The following NBEA variants were observed in gnomAD, a reference collection of about 807,000 sequenced individuals.
NBEA encodes the protein lysosomal-trafficking regulator 2.
NBEA carries 44 observed loss-of-function variants against 343.4 expected under a neutral mutation model. The observed-to-expected ratio is 0.13, with a 90% CI of 0.10 to 0.16. The LOEUF (loss-of-function observed/expected upper bound fraction) is 0.16, where lower values mean the gene tolerates loss of function less well. Ranked by LOEUF, NBEA falls within the 10% of genes least tolerant of loss-of-function variation. NBEA has a pLI of 1.00. For synonymous variants in NBEA, 1,175 were observed against 1,238.7 expected, an observed-to-expected ratio of 0.95 and a Z score of 1.08; for missense variants, 2,555 against 3,631.3, an observed-to-expected ratio of 0.70 and a Z score of 7.62.
intron 45 of NBEA, among the ~76,000 whole-genome samples, chr13:35,576,683 T>G (rs1002449779): frequency 6.6e-6 from 1 of 152,132 alleles, no homozygotes; most frequent in Non-Finnish European, 1.5e-5. Context: ...GTCATATATA[T>G]TCTTCAAAAA....
chr13:35,644,567 G>A (rs981585472), intron 49 of NBEA, among the ~76,000 whole-genome samples: 1 of 152,170 alleles, frequency 6.6e-6, no homozygotes, highest in East Asian at 1.9e-4. Flanking sequence ...CCGGCTCCTC[G>A]CCCCCACTTG....
chr13:35,307,600 G>C (rs1048092325), intron 35 of NBEA, among the ~76,000 whole-genome samples: 1 of 152,038 alleles, frequency 6.6e-6, no homozygotes, highest in African/African-American at 2.4e-5. Flanking sequence ...TCTTATTCAT[G>C]TTAGAAGTTT....
chr13:35,307,655 T>G (rs191209288), intron 35 of NBEA, among the ~76,000 whole-genome samples: 3 of 151,952 alleles, frequency 2.0e-5, no homozygotes, highest in Non-Finnish European at 4.4e-5. Context: ...TCACAGAAAA[T>G]CAGGTGTAAG....
chr13:35,604,155 T>A (rs2082182297), intron 47 of NBEA, among the ~76,000 whole-genome samples: 1 of 152,206 alleles, frequency 6.6e-6, no homozygotes. Context: ...GATAGAATAG[T>A]CACTGCTGAA....
At chr13:35,655,883 G>C in intron 55 of NBEA, 134 bp downstream of exon 55, 1 of 696,360 alleles carries the variant, frequency 1.4e-6, no homozygotes. Context: ...GCCAAAATCT[G>C]TACTGGAACG....
intron 10 of NBEA, among the ~76,000 whole-genome samples, chr13:35,094,172 A>G (rs979034040): frequency 1.3e-5 from 2 of 152,064 alleles, no homozygotes; most frequent in Admixed American, 6.6e-5. Context: ...GATATAAATG[A>G]GTAATAACCT....
chr13:35,221,167 A>G (rs967282523), intron 33 of NBEA, among the ~76,000 whole-genome samples: 2 of 152,072 alleles, frequency 1.3e-5, no homozygotes, highest in African/African-American at 4.8e-5. Flanking sequence ...TTCATAGTGA[A>G]ACCCCATCTC....
intron 44 of NBEA, among the ~76,000 whole-genome samples, chr13:35,559,971 TAAG>T (rs1466747856): frequency 6.6e-6 from 1 of 150,706 alleles, no homozygotes; most frequent in Non-Finnish European, 1.5e-5. Flanking sequence ...TTGTTAATAA[TAAG>T]AACTCAGAAA....
intron 21 of NBEA, among the ~76,000 whole-genome samples, chr13:35,158,157 C>T (rs968090145): frequency 3.3e-5 from 5 of 151,974 alleles, no homozygotes; most frequent in African/African-American, 1.2e-4. Context: ...TGTTACCAAC[C>T]CCCACTTTTG....
intron 45 of NBEA, among the ~76,000 whole-genome samples, chr13:35,579,015 G>A (rs547763077): frequency 6.6e-6 from 1 of 151,546 alleles, no homozygotes; most frequent in East Asian, 1.9e-4. Context: ...ATGGTGTCAT[G>A]TTGGCATGCA....
intron 55 of NBEA, among the ~76,000 whole-genome samples, chr13:35,659,503 A>G (rs2084969273): frequency 6.6e-6 from 1 of 152,208 alleles, no homozygotes; most frequent in African/African-American, 2.4e-5. Flanking sequence ...CAGGTATAGA[A>G]AGTATGTATG....
At chr13:35,513,130 T>G (rs895995886) in intron 41 of NBEA, among the ~76,000 whole-genome samples, 2 of 151,506 alleles carry the variant, frequency 1.3e-5, no homozygotes, top group African/African-American at 2.4e-5. Context: ...GGTGAAATTA[T>G]TACTTTTTTC....
intron 1 of NBEA, among the ~76,000 whole-genome samples, chr13:34,977,302 T>C (rs1162345529): frequency 6.6e-6 from 1 of 151,508 alleles, no homozygotes; most frequent in Non-Finnish European, 1.5e-5. Context: ...ATATGAATTG[T>C]ACATAATTAT....
chr13:35,608,852 A>G (rs2082393560), intron 48 of NBEA, among the ~76,000 whole-genome samples: 1 of 152,210 alleles, frequency 6.6e-6, no homozygotes, highest in African/African-American at 2.4e-5. Context: ...TTTACAGATA[A>G]GAAATATGAA....
At chr13:35,102,407 C>G (rs73498485) in intron 11 of NBEA, among the ~76,000 whole-genome samples, 16,559 of 151,490 alleles carry the variant, frequency 0.11, 1,106 homozygotes, top group African/African-American at 0.18. Context: ...TTGGGTCTTT[C>G]CATTTCCATA....
Position 35,400,196 on chromosome 13 carries a change from T to TAAAAAA in NBEA, c.6180-32050_6180-32045dup, listed in dbSNP as rs71081251. On this transcript the variant is annotated intron_variant, in intron 38 of 58. Transcript: ENST00000379939. ...AGGGTTGCCACAACTCTTCAATTTG[T>TAAAAAA]AAAAAAAAAAAAAAAAAAAAAAAAA... Among the ~76,000 whole-genome samples the TAAAAAA allele has an allele frequency of 1.2e-4, 9 of 78,224 alleles. 1 individual carries two copies. The highest frequency in any genetic ancestry group is 7.8e-4 in the East Asian group (2 of 2,560). 51.3% of individuals were successfully genotyped at this position (78,224 alleles called of 152,430 possible).
At chr13:35,177,409 G>A (rs1335950059) in intron 28 of NBEA, among the ~76,000 whole-genome samples, 1 of 151,724 alleles carries the variant, frequency 6.6e-6, no homozygotes, top group Non-Finnish European at 1.5e-5. Flanking sequence ...AGTATTCCTT[G>A]CTCCATTTGC....
intron 44 of NBEA, among the ~76,000 whole-genome samples, chr13:35,559,077 A>G (rs1260942570): frequency 2.0e-5 from 3 of 152,216 alleles, no homozygotes; most frequent in Non-Finnish European, 4.4e-5. Flanking sequence ...CTTTGCTATC[A>G]TCCTGAAATT....
intron 39 of NBEA, among the ~76,000 whole-genome samples, chr13:35,445,412 G>T (rs2045950415): frequency 6.6e-6 from 1 of 151,872 alleles, no homozygotes. Flanking sequence ...ATAATCCTGT[G>T]AAAGAAAATG....
Sources: gnomAD v4.1 joint callset for allele counts (sites outside exome capture counted in the v4.1 genomes callset) on GRCh38, gnomAD v4.1.1 for gene constraint, MANE v1.5 for transcripts, NCBI Gene and HGNC (gene_info 2026-07-23, HGNC 2026-07-21) for gene names.